Variants in DNAH3 observed in about 807,000 individuals in gnomAD.
DNAH3 encodes axonemal beta dynein heavy chain 3.
DNAH3 carries 332 observed loss-of-function variants against 432.5 expected under a neutral mutation model. The observed-to-expected ratio is 0.77, with a 90% CI of 0.70 to 0.84. The LOEUF is 0.84. DNAH3 is among the 40% of genes least tolerant of loss of function. The pLI is 0.00. For missense variants in DNAH3, 4,861 were observed against 5,114.0 expected (o/e 0.95, Z 1.51); for synonymous variants, 1,956 against 1,900.2 (o/e 1.03, Z -0.76).
intron 52 of DNAH3, among the ~76,000 whole-genome samples, chr16:20,966,030 TTTTTTTTTTTTTTTTTTTTTTTTTG>T (rs2085045812): frequency 2.3e-5 from 2 of 87,684 alleles, no homozygotes; most frequent in South Asian, 5.1e-4. Flanking sequence ...TTTTTTTTTT[TTTTTTTTTTTTTTTTTTTTTTTTTG>T]AGATGGAGTC....
chr16:21,154,304 C>T (rs1459074866), intron 1 of DNAH3, among the ~76,000 whole-genome samples: 1 of 152,088 alleles, frequency 6.6e-6, no homozygotes, highest in Non-Finnish European at 1.5e-5. Context: ...TCTTGGGTTG[C>T]TGAGGCAGGA....
intron 43 of DNAH3, 51 bp downstream of exon 43, chr16:21,000,173 A>C: frequency 1.3e-6 from 2 of 1,570,848 alleles, no homozygotes; most frequent in Non-Finnish European, 1.7e-6. Context: ...AGTTTGCTGC[A>C]GCTTATGGTG....
At chr16:21,139,320 CTTTTTTTTTT>C (rs9302391) in intron 5 of DNAH3, among the ~76,000 whole-genome samples, 38 of 29,632 alleles carry the variant, frequency 1.3e-3, no homozygotes, top group East Asian at 0.013. Flanking sequence ...TTTCCTCATG[CTTTTTTTTTT>C]TTTTTTTTTT....
exon 13 of DNAH3, chr16:21,112,033 G>T: frequency 6.2e-7 from 1 of 1,613,714 alleles, no homozygotes; most frequent in Non-Finnish European, 8.5e-7. Context: ...TTTCAGGAAC[G>T]CAGCGATGTT....
At chr16:21,141,452 G>C in intron 3 of DNAH3, 80 bp from the exon 5 acceptor site, 4 of 1,054,140 alleles carry the variant, frequency 3.8e-6, no homozygotes, top group Non-Finnish European at 5.7e-6. Context: ...ATGACTCTCG[G>C]AACAGTCCAG....
Position 20,992,886 on chromosome 16 carries a change from G to A in DNAH3, c.6601+4397C>T, listed in dbSNP as rs925900091. 2.6e-5 allele frequency among the ~76,000 whole-genome samples: 4 copies of A among 152,214 alleles called. No individual in the cohort carries two copies. The East Asian group carries it at 7.7e-4, about 29-fold the overall frequency. ...TTTTTGTTGTTGATTCATTCGTTGA[G>A]ACAGAGTCTCACTTTGTTGCCCAGG... On this transcript the variant is annotated intron_variant, in intron 44 of 61. Transcript: ENST00000261383.
chr16:21,019,669 G>A (rs1488482370), exon 41 of DNAH3: 24 of 1,614,026 alleles, frequency 1.5e-5, no homozygotes, highest in Non-Finnish European at 1.9e-5. Context: ...ACGCTTTTGG[G>A]CCTTGGGTGG....
At chr16:20,945,009 G>T (rs148716177) in intron 57 of DNAH3, among the ~76,000 whole-genome samples, 6 of 152,300 alleles carry the variant, frequency 3.9e-5, no homozygotes, top group Non-Finnish European at 7.3e-5. Flanking sequence ...ACTCCATCTT[G>T]TATAGGGACT....
At chr16:21,035,308 T>C (rs2089113146) in intron 35 of DNAH3, among the ~76,000 whole-genome samples, 1 of 152,022 alleles carries the variant, frequency 6.6e-6, no homozygotes, top group Non-Finnish European at 1.5e-5. Context: ...GCCTGGGTAA[T>C]GGAGGGAGAC....
In DNAH3 at chr16:21,134,529, TG is replaced by T. The variant is rs1017797315; in HGVS notation, c.887-76del. The T allele has an allele frequency of 2.4e-5, 34 of 1,414,650 alleles. No homozygotes were observed. In the African/African-American group the frequency reaches 4.4e-4, roughly 18 times the overall value. The allele number at this position is 1,414,650 out of a possible 1,614,324, so 87.6% of individuals were successfully genotyped here. A position where few individuals can be genotyped will look rare whatever the true frequency, so the allele number is the denominator to read the frequency against. On this transcript the variant is annotated intron_variant, in intron 6 of 61. Transcript: ENST00000261383. ...CTCTTAGCTTCAACTCATTTAGTTT[TG>T]TTTTTAATATAGAGACGGGGTCTCA...
intron 34 of DNAH3, 53 bp from the exon 35 acceptor site, chr16:21,036,901 A>G: frequency 6.9e-7 from 1 of 1,442,512 alleles, no homozygotes; most frequent in Non-Finnish European, 9.6e-7. Context: ...CAGATATATG[A>G]CCTCAACATT....
At chr16:21,036,608 A>C in intron 35 of DNAH3, 106 bp downstream of exon 35, 1 of 1,046,478 alleles carries the variant, frequency 9.6e-7, no homozygotes, top group Non-Finnish European at 1.4e-6. Flanking sequence ...CTACACAGGC[A>C]CCTCTGATTG....
At chr16:21,148,481 A>G (rs911906776) in intron 1 of DNAH3, among the ~76,000 whole-genome samples, 6 of 151,316 alleles carry the variant, frequency 4.0e-5, no homozygotes, top group African/African-American at 1.2e-4. Flanking sequence ...TCTGTCGCCC[A>G]GGCTGGAGTG....
At chr16:20,934,364 T>C (rs1420928113) in intron 61 of DNAH3, among the ~76,000 whole-genome samples, 1 of 152,158 alleles carries the variant, frequency 6.6e-6, no homozygotes, top group African/African-American at 2.4e-5. Flanking sequence ...CCATCATAAG[T>C]TGAACATATT....
At chr16:21,150,411 A>G in intron 1 of DNAH3, 4 of 424,052 alleles carry the variant, frequency 9.4e-6, no homozygotes, top group Non-Finnish European at 1.8e-5. Context: ...GTTGGTCTGA[A>G]ATTCACACTT....
Position 21,098,782 on chromosome 16 carries a change from A to G in DNAH3, c.2367-13T>C, listed in dbSNP as rs2091761646. On this transcript the variant is annotated splice_polypyrimidine_tract_variant and intron_variant, in intron 16 of 61. Transcript: ENST00000261383. ...AAATTCTGAGCATCTGAAAATAAAG[A>G]CAGCCTGGTTACCTTTGGACTTTGC... 1.2e-6 allele frequency: 2 copies of G among 1,606,832 alleles called. No homozygotes were observed. Among genetic ancestry groups the G allele is most frequent in the Non-Finnish European group, 1.7e-6 (2 of 1,177,922 alleles).
chr16:21,126,378 G>A lies in DNAH3; in HGVS notation c.1209-1008C>T, dbSNP rs542267249. 3.3e-5 allele frequency among the ~76,000 whole-genome samples: 5 copies of A among 152,220 alleles called. No homozygotes were observed. In the East Asian group the frequency reaches 9.7e-4, roughly 29 times the overall value. On this transcript the variant is annotated intron_variant, in intron 8 of 61. Transcript: ENST00000261383. ...ATAGAGGTATGAGATTTATTGAGCA[G>A]CTATTATGTGCCAATGATAGCATCT...
chr16:21,126,299 C>T (rs538245962), intron 8 of DNAH3, among the ~76,000 whole-genome samples: 1 of 152,182 alleles, frequency 6.6e-6, no homozygotes, highest in Non-Finnish European at 1.5e-5. Flanking sequence ...TTTCTCTGAT[C>T]GCTAAAAAGG....
At chr16:20,947,457 C>G (rs2084099977) in intron 57 of DNAH3, among the ~76,000 whole-genome samples, 1 of 152,024 alleles carries the variant, frequency 6.6e-6, no homozygotes, top group Non-Finnish European at 1.5e-5. Flanking sequence ...GGTGAGAACC[C>G]CAACGTGAAG....
Sources: allele counts gnomAD v4.1 joint callset (sites outside exome capture counted in the v4.1 genomes callset), GRCh38; gene constraint gnomAD v4.1.1; transcripts MANE v1.5; gene names NCBI Gene and HGNC (gene_info 2026-07-23, HGNC 2026-07-21).